Variants in CERS6 observed in about 807,000 individuals in gnomAD.
CERS6 encodes ceramide synthase 6.
Under a neutral mutation model 56.8 loss-of-function variants are expected in CERS6, and 26 were observed. The ratio of observed to expected loss-of-function variants is 0.46; its 90% confidence interval spans 0.34 to 0.63. CERS6 has a LOEUF of 0.63. Ranked by LOEUF, CERS6 falls within the 30% of genes least tolerant of loss-of-function variation. CERS6 has a pLI of 0.01. For missense variants in CERS6, 415 were observed against 467.5 expected (o/e 0.89, Z 1.04); for synonymous variants, 164 against 173.3 (o/e 0.95, Z 0.42).
chr2:168,535,847 T>C (rs188369136), intron 1 of CERS6, among the ~76,000 whole-genome samples: 72 of 151,738 alleles, frequency 4.7e-4, no homozygotes, highest in Middle Eastern at 3.4e-3. Flanking sequence ...TTTCACATTA[T>C]AAAACTCAGC....
chr2:168,532,027 A>G (rs1325337789), intron 1 of CERS6, among the ~76,000 whole-genome samples: 1 of 152,218 alleles, frequency 6.6e-6, no homozygotes, highest in East Asian at 1.9e-4. Flanking sequence ...ACTAGGGTTC[A>G]GAAATATTAA....
chr2:168,460,978 G>A (rs1353274590), intron 1 of CERS6, among the ~76,000 whole-genome samples: 1 of 151,032 alleles, frequency 6.6e-6, no homozygotes, highest in Non-Finnish European at 1.5e-5. Flanking sequence ...ATAGTTGAGA[G>A]AGCGAGAGAG....
chr2:168,523,213 T>G (rs1436968764), intron 1 of CERS6, among the ~76,000 whole-genome samples: 1 of 152,136 alleles, frequency 6.6e-6, no homozygotes, highest in Non-Finnish European at 1.5e-5. Context: ...CACCTCTTGA[T>G]CCCATTATCC....
At position 168,769,506 on chromosome 2, in the gene CERS6, A is replaced by T; in HGVS notation, c.1003-4A>T. ...GGTTATACTCACCTGCTTCTACTCC[A>T]CAGGTGTCCAAGGATGATCGAAGTG... On this transcript the variant is annotated splice_region_variant and splice_polypyrimidine_tract_variant and intron_variant, in intron 9 of 9. Transcript: ENST00000305747. 6.3e-7 allele frequency: 1 copy of T among 1,583,346 alleles called. No homozygotes were observed. The highest frequency in any genetic ancestry group is 8.6e-7 in the Non-Finnish European group (1 of 1,169,108).
intron 3 of CERS6, among the ~76,000 whole-genome samples, chr2:168,623,563 G>A (rs947392699): frequency 6.6e-6 from 1 of 152,138 alleles, no homozygotes. Flanking sequence ...AATCATTAAC[G>A]TGCTTGAATA....
At chr2:168,558,315 G>A (rs1445707561) in intron 2 of CERS6, among the ~76,000 whole-genome samples, 3 of 152,172 alleles carry the variant, frequency 2.0e-5, no homozygotes, top group Non-Finnish European at 4.4e-5. Context: ...ATTTATTGTA[G>A]CATTGTTTAT....
chr2:168,703,044 T>G (rs1353505209), intron 6 of CERS6, among the ~76,000 whole-genome samples: 1 of 152,206 alleles, frequency 6.6e-6, no homozygotes, highest in African/African-American at 2.4e-5. Context: ...AATGTAATTT[T>G]TAGTAAAAAT....
At chr2:168,760,064 T>C (rs1684528006) in intron 8 of CERS6, among the ~76,000 whole-genome samples, 1 of 152,146 alleles carries the variant, frequency 6.6e-6, no homozygotes, top group African/African-American at 2.4e-5. Flanking sequence ...CAGATCAAGA[T>C]ACAGAAGTGT....
chr2:168,486,546 G>A (rs986615691), intron 1 of CERS6, among the ~76,000 whole-genome samples: 1 of 138,220 alleles, frequency 7.2e-6, no homozygotes, highest in Non-Finnish European at 1.6e-5. Flanking sequence ...TTTGCCTATG[G>A]CTGTTTAATT....
chr2:168,545,753 A>T (rs1023273615), intron 1 of CERS6, among the ~76,000 whole-genome samples: 7 of 152,236 alleles, frequency 4.6e-5, no homozygotes, highest in Admixed American at 6.5e-5. Flanking sequence ...GGGCATACAA[A>T]GAGGAAATGA....
At chr2:168,556,335 T>C (rs1006488038) in intron 2 of CERS6, among the ~76,000 whole-genome samples, 2 of 152,124 alleles carry the variant, frequency 1.3e-5, no homozygotes, top group Non-Finnish European at 2.9e-5. Flanking sequence ...GATATAAAAA[T>C]CTATATAATT....
At chr2:168,706,772 A>G (rs1230350463) in intron 6 of CERS6, among the ~76,000 whole-genome samples, 1 of 152,208 alleles carries the variant, frequency 6.6e-6, no homozygotes, top group East Asian at 1.9e-4. Flanking sequence ...CACATCTTAG[A>G]TAATATGACT....
At chr2:168,769,406 A>G in intron 9 of CERS6, 104 bp from the exon 10 acceptor site, 4 of 1,044,648 alleles carry the variant, frequency 3.8e-6, no homozygotes, top group East Asian at 2.8e-5. Flanking sequence ...GTTTTTTAAC[A>G]TTGGGATCTG....
chr2:168,584,176 A>G (rs1451400150), intron 3 of CERS6, among the ~76,000 whole-genome samples: 2 of 152,214 alleles, frequency 1.3e-5, no homozygotes, highest in African/African-American at 4.8e-5. Context: ...AACTTTCTCC[A>G]AAGATGCAGG....
chr2:168,549,482 A>G (rs551379693), intron 2 of CERS6, among the ~76,000 whole-genome samples: 62 of 152,156 alleles, frequency 4.1e-4, no homozygotes, highest in African/African-American at 1.4e-3. Context: ...TAAAAATACA[A>G]AAATTAGCCA....
intron 4 of CERS6, among the ~76,000 whole-genome samples, chr2:168,652,191 A>G (rs34970011): frequency 0.41 from 62,316 of 151,890 alleles, 14,364 homozygotes; most frequent in African/African-American, 0.63. Context: ...GAAATCAGTC[A>G]TTAGGGTCAC....
chr2:168,607,419 G>A (rs147891334), intron 3 of CERS6, among the ~76,000 whole-genome samples: 214 of 152,180 alleles, frequency 1.4e-3, no homozygotes, highest in Admixed American at 2.6e-3. Flanking sequence ...GTCTTGCTCT[G>A]TTGCCAGGCT....
At chr2:168,637,371 A>T (rs1004662170) in intron 4 of CERS6, among the ~76,000 whole-genome samples, 11 of 152,112 alleles carry the variant, frequency 7.2e-5, no homozygotes, top group African/African-American at 2.4e-4. Context: ...AGTCCCAGCT[A>T]CTCAGGAGGC....
intron 8 of CERS6, among the ~76,000 whole-genome samples, chr2:168,731,985 A>T (rs552984740): frequency 6.6e-6 from 1 of 152,230 alleles, no homozygotes; most frequent in East Asian, 1.9e-4. Context: ...AGTCTACAAT[A>T]TATCGGAGAA....
Sources: allele counts gnomAD v4.1 joint callset (sites outside exome capture counted in the v4.1 genomes callset), GRCh38; gene constraint gnomAD v4.1.1; transcripts MANE v1.5; gene names NCBI Gene and HGNC (gene_info 2026-07-23, HGNC 2026-07-21).